The following ATXN3 variants were observed in gnomAD, a reference collection of about 807,000 sequenced individuals.
ATXN3 encodes the protein ataxin 3.
In ATXN3, 28 loss-of-function variants were observed where a neutral mutation model predicts 58.2. The ratio of observed to expected loss-of-function variants is 0.48; its 90% confidence interval spans 0.36 to 0.66. The LOEUF is 0.66. ATXN3 is among the 30% of genes least tolerant of loss of function. ATXN3 has a pLI of 0.00. For missense variants in ATXN3, 321 were observed against 422.1 expected (o/e 0.76, Z 2.10); for synonymous variants, 113 against 138.5 (o/e 0.82, Z 1.29).
chr14:92,050,142 T>TTGTG (rs2057443012), upstream of ATXN3, among the ~76,000 whole-genome samples: 7 of 116,718 alleles, frequency 6.0e-5, no homozygotes. Flanking sequence ...GACTTTGCTC[T>TTGTG]CGTGTGTGTG....
chr14:92,068,542 G>A (rs1049438486), intron 10 of ATXN3, among the ~76,000 whole-genome samples: 21 of 152,172 alleles, frequency 1.4e-4, no homozygotes, highest in African/African-American at 4.8e-4. Flanking sequence ...CTGGTTCCAA[G>A]GTCCCTAGCC....
At chr14:92,076,443 C>T (rs1333104759) in intron 9 of ATXN3, among the ~76,000 whole-genome samples, 2 of 133,674 alleles carry the variant, frequency 1.5e-5, no homozygotes, top group South Asian at 2.4e-4. Flanking sequence ...AGCGAGACCT[C>T]GTCTCAAAAA....
chr14:92,088,792 G>T lies in ATXN3; in HGVS notation c.413C>A (p.Thr138Lys). 1 of 1,611,290 alleles carries T rather than the reference G, an allele frequency of 6.2e-7. No homozygotes were observed. Among genetic ancestry groups the T allele is most frequent in the Non-Finnish European group, 8.5e-7 (1 of 1,177,954 alleles). ...KQWFNLNSLL[T>K]GPELISDTYL... Reference sequence around the variant, plus strand: ...TGTATCTGATATTAATTCTGGACCCGTCAAGAGAGAATTCAAGTTAAACCA... The same window carrying T: ...TGTATCTGATATTAATTCTGGACCCTTCAAGAGAGAATTCAAGTTAAACCA... Residue 138 changes from threonine (T) to lysine (K), a missense_variant, in exon 6 of 11, where the codon ACG (threonine) becomes AAG (lysine). This residue lies in a region of ATXN3 where 121 missense variants were observed against 198.9 expected (regional missense o/e 0.61). Transcript: ENST00000644486.
chr14:92,077,733 C>T (rs1332536274), intron 9 of ATXN3: 1 of 152,178 alleles, frequency 6.6e-6, no homozygotes, highest in Non-Finnish European at 1.5e-5. Flanking sequence ...GCAACCTCCA[C>T]CTCTGGGTTC....
At chr14:92,051,417 T>C (rs747989376), upstream of ATXN3, among the ~76,000 whole-genome samples, 8 of 152,192 alleles carry the variant, frequency 5.3e-5, no homozygotes, top group Non-Finnish European at 1.0e-4. Context: ...TTGGCTAGGC[T>C]CAGTTCGCTC....
rs543607269 is a variant in ATXN3, at chr14:92,104,883, T to C, written c.24+1646A>G. ...GTTGCAGTGAGCCATGATGGCGCCA[T>C]TGCACTCCAGCCTGGGTGACAAGAG... On this transcript the variant is annotated intron_variant, in intron 1 of 10. Coordinates refer to ENST00000644486, the MANE Select transcript of ATXN3 (RefSeq NM_004993.6). 9.4e-5 allele frequency among the ~76,000 whole-genome samples: 14 copies of C among 148,610 alleles called. No homozygotes were observed. In the South Asian group the frequency reaches 1.3e-3, roughly 13 times the overall value.
At position 92,071,020 on chromosome 14, in the gene ATXN3, C is replaced by CTGCTGCTGCTGCTGT. The variant is rs1555397115; in HGVS notation, c.891_905dup (p.Gln301_Gln305dup). The CTGCTGCTGCTGCTGT allele has an allele frequency of 1.0e-3, 1,602 of 1,607,440 alleles. 46 individuals carry two copies. In the African/African-American group the frequency reaches 0.019, roughly 19 times the overall value. On this transcript the variant is annotated inframe_insertion, in exon 10 of 11. Transcript: ENST00000644486. ...GTCCTGATAGGTCCCCCTGCTGCTGCTGCTGCTGCTGCTGTTGCTGCTTTT... is the reference window on the plus strand; with the variant it reads ...GTCCTGATAGGTCCCCCTGCTGCTGCTGCTGCTGCTGCTGTTGCTGCTGCTGCTGTTGCTGCTTTT...
chr14:92,093,768 G>A lies in ATXN3; in HGVS notation c.298C>T (p.Gln100Ter). 1 of 1,610,670 alleles carries A rather than the reference G, an allele frequency of 6.2e-7. No individual in the cohort carries two copies. Among genetic ancestry groups the A allele is most frequent in the South Asian group, 1.1e-5 (1 of 90,908 alleles). The change falls in exon 4 of 11, where the codon CAG (glutamine) becomes TAG (stop). Residue 100 changes from glutamine to a stop codon, truncating the protein, a stop_gained. Transcript: ENST00000644486. LOFTEE classifies it high-confidence loss of function. Reference protein sequence around the residue: ...ELILFNSPEYQRLRIDPINER... With the variant: ...ELILFNSPEY ...TACATAGGATCGATCCTGAGCCTCTGATACTCTGGACTGTTGAACAGGATT... is the reference window on the plus strand; with the variant it reads ...TACATAGGATCGATCCTGAGCCTCTAATACTCTGGACTGTTGAACAGGATT...
At chr14:92,093,924 AT>A (rs2064502942) in intron 3 of ATXN3, 93 bp from the exon 4 acceptor site, 1 of 732,132 alleles carries the variant, frequency 1.4e-6, no homozygotes, top group Admixed American at 2.5e-5. Context: ...TCATATATAA[AT>A]TTCTCTAGAA....
intron 10 of ATXN3, among the ~76,000 whole-genome samples, chr14:92,070,303 G>T (rs2059195677): frequency 6.6e-6 from 1 of 152,198 alleles, no homozygotes; most frequent in African/African-American, 2.4e-5. Flanking sequence ...TTTCTGGCCG[G>T]ACGTGATGGC....
chr14:92,051,705 CTTCTT>C (rs2057448367), upstream of ATXN3, among the ~76,000 whole-genome samples: 2 of 30,800 alleles, frequency 6.5e-5, no homozygotes, highest in Non-Finnish European at 1.5e-4. Context: ...TTTTTCTTTT[CTTCTT>C]TTCCTTTCTT....
upstream of ATXN3, among the ~76,000 whole-genome samples, chr14:92,050,143 C>CATGTGTGTGT (rs113375315): frequency 1.5e-4 from 22 of 147,690 alleles, no homozygotes; most frequent in African/African-American, 5.5e-4. Context: ...ACTTTGCTCT[C>CATGTGTGTGT]GTGTGTGTGT....
At chr14:92,078,453 C>T (rs567225714) in intron 9 of ATXN3, among the ~76,000 whole-genome samples, 1 of 152,014 alleles carries the variant, frequency 6.6e-6, no homozygotes, top group African/African-American at 2.4e-5. Flanking sequence ...ACCTCGCCTC[C>T]CGGGTTCAAG....
upstream of ATXN3, among the ~76,000 whole-genome samples, chr14:92,052,545 A>C (rs74071831): frequency 0.044 from 6,718 of 152,156 alleles, 447 homozygotes; most frequent in African/African-American, 0.14. Flanking sequence ...CCTGGAAATG[A>C]CTGCTAATTG....
intron 10 of ATXN3, among the ~76,000 whole-genome samples, chr14:92,068,836 C>T (rs1300258188): frequency 6.6e-6 from 1 of 152,052 alleles, no homozygotes; most frequent in Non-Finnish European, 1.5e-5. Flanking sequence ...GTGATCCACC[C>T]GCCTCAGCCT....
rs554711538 is a variant in ATXN3, at chr14:92,074,012, CA to C, written c.873-2960del. 9.3e-3 allele frequency among the ~76,000 whole-genome samples: 693 copies of C among 74,764 alleles called. 9 individuals are homozygous for C. Among genetic ancestry groups the C allele is most frequent in the East Asian group, 0.066 (201 of 3,024 alleles). 49.0% of individuals were successfully genotyped at this position (74,764 alleles called of 152,430 possible). ...TGGGCAACAGAGTGAGACTCCACCTCAAAAAAAAAAAAAAAAAAAAAAGGGA... is the reference window on the plus strand; with the variant it reads ...TGGGCAACAGAGTGAGACTCCACCTCAAAAAAAAAAAAAAAAAAAAAGGGA... On this transcript the variant is annotated intron_variant, in intron 9 of 10. Transcript: ENST00000644486.
intron 9 of ATXN3, among the ~76,000 whole-genome samples, chr14:92,074,847 A>G (rs1386913024): frequency 6.6e-6 from 1 of 152,220 alleles, no homozygotes; most frequent in Non-Finnish European, 1.5e-5. Context: ...GTTATAGAAC[A>G]TTTGCAACTT....
chr14:92,087,604 G>C (rs1354986764), intron 6 of ATXN3, among the ~76,000 whole-genome samples: 1 of 152,204 alleles, frequency 6.6e-6, no homozygotes, highest in Non-Finnish European at 1.5e-5. Context: ...TGAGATTTTT[G>C]TCATTCAAGT....
chr14:92,096,557 G>A lies in ATXN3; in HGVS notation c.189+117C>T, dbSNP rs1225046601. 4 of 1,065,088 alleles carry A rather than the reference G, an allele frequency of 3.8e-6. No individual in the cohort carries two copies. The African/African-American group carries it at 6.5e-5, about 17-fold the overall frequency. The allele number at this position is 1,065,088 out of a possible 1,614,324, so 66.0% of individuals were successfully genotyped here. A position where few individuals can be genotyped will look rare whatever the true frequency, so the allele number is the denominator to read the frequency against. On this transcript the variant is annotated intron_variant, in intron 2 of 10. Transcript: ENST00000644486. ...GAGAATCGCTTGAACCCGGGAGGCA[G>A]AGGTTGCAGTGAGCCGAGATCGCGC...
Sources: gnomAD v4.1 joint callset for allele counts (sites outside exome capture counted in the v4.1 genomes callset) on GRCh38, gnomAD v4.1.1 for gene constraint, gnomAD v4.1.1 regional missense constraint, MANE v1.5 for transcripts, NCBI Gene and HGNC (gene_info 2026-07-23, HGNC 2026-07-21) for gene names.